FLYWCH1: variants seen among roughly 807,000 people sequenced by gnomAD.
FLYWCH1 encodes the protein FLYWCH-type zinc finger 1, also known as FLYWCH-type zinc finger-containing protein 1.
A neutral mutation model predicts 66.4 loss-of-function variants in FLYWCH1; 75 were observed. The observed-to-expected ratio is 1.13, with a 90% CI of 0.94 to 1.37. The LOEUF is 1.37. FLYWCH1 is among the 40% of genes most tolerant of loss of function. The pLI is 0.00. For missense variants in FLYWCH1, 1,334 were observed against 1,001.8 expected (o/e 1.33, Z -4.48); for synonymous variants, 595 against 429.9 (o/e 1.38, Z -4.75).
At position 2,919,990 on chromosome 16, in the gene FLYWCH1, G is replaced by A. The variant is rs188566264; in HGVS notation, c.-74+5701G>A. Among the ~76,000 whole-genome samples, 674 of 152,234 alleles carry A rather than the reference G, an allele frequency of 4.4e-3. 4 individuals are homozygous for A. The highest frequency in any genetic ancestry group is 8.1e-3 in the Non-Finnish European group (554 of 68,018). On this transcript the variant is annotated intron_variant, in intron 2 of 9. Transcript: ENST00000253928. ...TCCTGCTCTCGAGGGGGATACAGTA[G>A]CAGACATGATTGAACGCAGTGTGTG...
At chr16:2,927,543 A>G (rs1477528538) in intron 2 of FLYWCH1, among the ~76,000 whole-genome samples, 6 of 152,242 alleles carry the variant, frequency 3.9e-5, no homozygotes, top group African/African-American at 1.4e-4. Context: ...TGGAGGAGCC[A>G]TGCATAAAGC....
chr16:2,930,025 C>T lies in FLYWCH1; in HGVS notation c.325+15C>T, dbSNP rs753222141. 3 of 1,589,328 alleles carry T rather than the reference C, an allele frequency of 1.9e-6. No individual in the cohort carries two copies. The highest frequency in any genetic ancestry group is 2.6e-6 in the Non-Finnish European group (3 of 1,163,624). On this transcript the variant is annotated intron_variant, in intron 3 of 9. Coordinates refer to ENST00000253928, the MANE Select transcript of FLYWCH1 (RefSeq NM_001308068.2). ...GCTGGATGCAGGTGAGGTGTGGCTT[C>T]CCGCCCCTGCCCAGCCACCCCGTGG...
At chr16:2,938,607 G>GTTTTTT (rs35169451) in intron 8 of FLYWCH1, among the ~76,000 whole-genome samples, 151 bp downstream of exon 8, 85 of 129,140 alleles carry the variant, frequency 6.6e-4, no homozygotes, top group Non-Finnish European at 9.2e-4. Context: ...ACCAGTCTTT[G>GTTTTTT]TTTTTTTTTT....
rs575636560 is a variant in FLYWCH1 at position 2,934,306 on chromosome 16, T to A, written c.1513+327T>A. ...AATAGAGGGTGTTGACTGCACATGG[T>A]CAGTCTCGTTGCTATGGTGGAAGGC... On this transcript the variant is annotated intron_variant, in intron 6 of 9. Transcript: ENST00000253928. 2.6e-5 allele frequency among the ~76,000 whole-genome samples: 4 copies of A among 152,314 alleles called. No homozygotes were observed. In the East Asian group the frequency reaches 7.7e-4, roughly 29 times the overall value.
chr16:2,939,116 T>A (rs1000817380), intron 8 of FLYWCH1, among the ~76,000 whole-genome samples: 3 of 152,114 alleles, frequency 2.0e-5, no homozygotes, highest in Non-Finnish European at 4.4e-5. Context: ...CTGTCATTCA[T>A]GTGAATATTA....
intron 9 of FLYWCH1, among the ~76,000 whole-genome samples, chr16:2,944,394 C>CAA (rs58680101): frequency 1.9e-4 from 19 of 97,966 alleles, no homozygotes; most frequent in African/African-American, 5.6e-4. Context: ...AACTCCATCT[C>CAA]AAAAAAAAAA....
rs760491940 is a variant in FLYWCH1, at chr16:2,929,836, G to A, written c.151G>A (p.Asp51Asn). The A allele has an allele frequency of 1.2e-6, 2 of 1,614,004 alleles. No individual in the cohort carries two copies. Among genetic ancestry groups the A allele is most frequent in the Non-Finnish European group, 1.7e-6 (2 of 1,179,892 alleles). ...KLVLLTASDQ[D>N]EDGVGSKPQE... is the part of the protein sequence containing the mutation. Reference sequence around the variant, plus strand: ...GGTGCTGCTCACAGCCTCCGACCAAGATGAGGATGGGGTGGGATCCAAGCC... The same window carrying A: ...GGTGCTGCTCACAGCCTCCGACCAAAATGAGGATGGGGTGGGATCCAAGCC... Residue 51 changes from aspartate to asparagine, a missense_variant, in exon 3 of 10, where the codon GAT (aspartate) becomes AAT (asparagine). Physicochemically the swap from Asp to Asn is conservative, Grantham distance 23 (BLOSUM62 1). Coordinates refer to ENST00000253928, the MANE Select transcript of FLYWCH1 (RefSeq NM_001308068.2).
chr16:2,933,033 G>C, intron 4 of FLYWCH1, 97 bp from the exon 5 acceptor site: 1 of 1,091,002 alleles, frequency 9.2e-7, no homozygotes, highest in Admixed American at 2.6e-5. Flanking sequence ...AGCCTTAAAG[G>C]AGAAAGGCTC....
At chr16:2,922,993 G>A (rs1359509128) in intron 2 of FLYWCH1, 9 of 503,982 alleles carry the variant, frequency 1.8e-5, no homozygotes, top group African/African-American at 5.9e-5. Flanking sequence ...GCCAGAAGGC[G>A]GGTGACGCGC....
chr16:2,915,192 C>T (rs1010632838), intron 2 of FLYWCH1: 1 of 149,534 alleles, frequency 6.7e-6, no homozygotes, highest in Non-Finnish European at 1.5e-5. Flanking sequence ...GGCTGGAGTG[C>T]ATTGGTGTGA....
In FLYWCH1 at chr16:2,936,085, A is replaced by AT. The variant is rs549415989; in HGVS notation, c.1514-1029dup. The AT allele has an allele frequency of 7.6e-4, 182 of 240,434 alleles. 1 individual carries two copies. The highest frequency in any genetic ancestry group is 3.7e-3 in the African/African-American group (159 of 43,318). 14.9% of individuals were successfully genotyped at this position (240,434 alleles called of 1,614,324 possible). ...CCACCACGCCCAGCTAATTTTTTGTATTTTTTTAGTAGAGATGGGGTTTCA... is the reference window on the plus strand; with the variant it reads ...CCACCACGCCCAGCTAATTTTTTGTATTTTTTTTAGTAGAGATGGGGTTTCA... On this transcript the variant is annotated intron_variant, in intron 6 of 9. Transcript: ENST00000253928.
At chr16:2,936,292 C>T (rs368904776) in intron 6 of FLYWCH1, 2 of 410,274 alleles carry the variant, frequency 4.9e-6, no homozygotes, top group African/African-American at 4.1e-5. Flanking sequence ...GCCTGGCGTC[C>T]CCACCTTCGT....
At position 2,948,688 on chromosome 16, in the gene FLYWCH1, G is replaced by A. The variant is rs2071585043; in HGVS notation, c.2112G>A (p.Gly704=). ...TCSPESQQIY[G]DIKDVRLDGE... ...TGAACATGTGTCTCTTTGTAATTAGGGACATCAAAGACGTCAGACTGGATG... is the reference window on the plus strand; with the variant it reads ...TGAACATGTGTCTCTTTGTAATTAGAGACATCAAAGACGTCAGACTGGATG... The change falls in exon 10 of 10, where the codon GGG becomes GGA. Residue 704 remains glycine, a splice_region_variant and synonymous_variant. Coordinates refer to ENST00000253928, the MANE Select transcript of FLYWCH1 (RefSeq NM_001308068.2). The A allele has an allele frequency of 6.2e-7, 1 of 1,613,530 alleles. No individual in the cohort carries two copies. The highest frequency in any genetic ancestry group is 2.2e-5 in the East Asian group (1 of 44,866).
chr16:2,941,826 G>C (rs2071273659), intron 9 of FLYWCH1, among the ~76,000 whole-genome samples: 1 of 151,818 alleles, frequency 6.6e-6, no homozygotes, highest in Non-Finnish European at 1.5e-5. Context: ...TTCAAGACCA[G>C]CCTGACCAAC....
At chr16:2,912,660 GAGA>G (rs1567314300) in intron 1 of FLYWCH1, among the ~76,000 whole-genome samples, 1 of 152,188 alleles carries the variant, frequency 6.6e-6, no homozygotes, top group African/African-American at 2.4e-5. Context: ...AGTTTAAAGG[GAGA>G]CGCTTGTTTA....
At chr16:2,914,452 CCCAGTAGG>C (rs1323281306) in intron 2 of FLYWCH1, among the ~76,000 whole-genome samples, 163 bp downstream of exon 2, 1 of 152,228 alleles carries the variant, frequency 6.6e-6, no homozygotes, top group African/African-American at 2.4e-5. Context: ...ACCGCAGCGT[CCCAGTAGG>C]CCATCTGGCA....
chr16:2,935,165 T>G (rs887558342), intron 6 of FLYWCH1: 2 of 152,620 alleles, frequency 1.3e-5, no homozygotes, highest in African/African-American at 4.8e-5. Context: ...TCAGGTGATC[T>G]GCCTGCCTCG....
intron 2 of FLYWCH1, among the ~76,000 whole-genome samples, chr16:2,917,996 C>T (rs926101551): frequency 5.3e-5 from 8 of 151,832 alleles, no homozygotes; most frequent in Non-Finnish European, 8.8e-5. Flanking sequence ...CGCCACCATG[C>T]CCAGGTAATT....
intron 2 of FLYWCH1, among the ~76,000 whole-genome samples, chr16:2,918,162 T>TTC (rs1318257825): frequency 1.4e-5 from 2 of 147,776 alleles, no homozygotes; most frequent in African/African-American, 5.0e-5. Flanking sequence ...TTTTTTTTTT[T>TTC]TTTTTGAGAC....
Sources: gnomAD v4.1 joint callset for allele counts (sites outside exome capture counted in the v4.1 genomes callset) on GRCh38, gnomAD v4.1.1 for gene constraint, MANE v1.5 for transcripts, NCBI Gene and HGNC (gene_info 2026-07-23, HGNC 2026-07-21) for gene names.